The following SH2D3C variants were observed in gnomAD, a reference collection of about 807,000 sequenced individuals.
SH2D3C encodes the protein SH2 domain containing 3C.
SH2D3C carries 25 observed loss-of-function variants against 75.2 expected under a neutral mutation model. The ratio of observed to expected loss-of-function variants is 0.33; its 90% CI spans 0.24 to 0.46. The LOEUF is 0.46. SH2D3C is among the 20% of genes least tolerant of loss of function. The pLI, the probability that SH2D3C is intolerant of heterozygous loss-of-function variation, is 1.00. For missense variants in SH2D3C, 933 were observed against 1,165.3 expected, an observed-to-expected ratio of 0.80 and a Z score of 2.90; for synonymous variants, 450 against 473.7, an observed-to-expected ratio of 0.95 and a Z score of 0.65.
intron 7 of SH2D3C, among the ~76,000 whole-genome samples, chr9:127,744,072 C>CTTTTTTT (rs34636940): frequency 8.7e-6 from 1 of 114,570 alleles, no homozygotes; most frequent in African/African-American, 3.4e-5. Flanking sequence ...ATCTTATGTG[C>CTTTTTTT]TTTTTTTTTT....
intron 1 of SH2D3C, among the ~76,000 whole-genome samples, chr9:127,776,683 T>G (rs1564427625): frequency 6.6e-6 from 1 of 152,208 alleles, no homozygotes; most frequent in Non-Finnish European, 1.5e-5. Context: ...GCAGGTAGGA[T>G]GCCCCCAGTT....
Position 127,744,646 on chromosome 9 carries a change from C to G in SH2D3C, c.1718G>C (p.Gly573Ala). ...IPRDNRPLEVGLLRKVKELLA... is the reference protein window; with the variant it reads ...IPRDNRPLEVALLRKVKELLA... ...CAGCTCCTTGACCTTGCGCAGAAGG[C>G]CCACCTCCAGTGGCCGGTTATCCCT... The change falls in exon 7 of 12, where the codon GGC becomes GCC. Residue 573 changes from glycine (G) to alanine (A), a missense_variant. Gly to Ala is a moderately conservative substitution (Grantham distance 60). Transcript: ENST00000314830. The G allele has an allele frequency of 1.3e-5, 21 of 1,614,204 alleles. No individual in the cohort carries two copies. The highest frequency in any genetic ancestry group is 1.6e-5 in the Non-Finnish European group (19 of 1,180,028).
chr9:127,770,933 C>T (rs892584258), intron 2 of SH2D3C, among the ~76,000 whole-genome samples: 1 of 152,218 alleles, frequency 6.6e-6, no homozygotes, highest in African/African-American at 2.4e-5. Flanking sequence ...TCAAACTCGG[C>T]AGGCAAATCT....
At position 127,754,728 on chromosome 9, in the gene SH2D3C, C is replaced by A; in HGVS notation, c.556-3428G>T. 1 of 431,220 alleles carries A rather than the reference C, an allele frequency of 2.3e-6. No homozygotes were observed. Among genetic ancestry groups the A allele is most frequent in the Non-Finnish European group, 4.9e-6 (1 of 203,252 alleles). 26.7% of individuals were successfully genotyped at this position (431,220 alleles called of 1,614,324 possible). ...GGGGAGCCAGGGTGCCCAGGTCAGC[C>A]GCAAGGGCCAGCGTACCAGGCGGAG... On this transcript the variant is annotated intron_variant, in intron 3 of 11. Transcript: ENST00000314830. The surrounding 1 kb of genome is among the most constrained non-coding windows in gnomAD (Gnocchi z 4.4).
chr9:127,741,953 G>T lies in SH2D3C; in HGVS notation c.1923C>A (p.His641Gln). Residue 641 changes from histidine (H) to glutamine (Q), a missense_variant, in exon 9 of 12, where the codon CAC (histidine) becomes CAA (glutamine). Transcript: ENST00000314830. The stretch of plus-strand genomic sequence containing the variant: ...CCACGGCCAGCATGATGGACATGGT[G>T]TGGAACCTGTCAGAGCGGCGGGGTC... ...QLRLDLLERF[H>Q]TMSIMLAVDI... The T allele has an allele frequency of 6.2e-7, 1 of 1,611,168 alleles. No homozygotes were observed. Among genetic ancestry groups the T allele is most frequent in the Non-Finnish European group, 8.5e-7 (1 of 1,179,070 alleles).
Position 127,745,891 on chromosome 9 carries a change from A to T in SH2D3C, c.1265-792T>A, listed in dbSNP as rs558519188. On this transcript the variant is annotated intron_variant, in intron 6 of 11. Coordinates refer to ENST00000314830, the MANE Select transcript of SH2D3C (RefSeq NM_170600.3). ...CAGTAAAACCATCATCAAACCTCAA[A>T]GGCGATATTTACTAAGCTCTTAGTG... 1.1e-4 allele frequency among the ~76,000 whole-genome samples: 16 copies of T among 152,302 alleles called. No individual in the cohort carries two copies. The East Asian group carries it at 3.1e-3, about 29-fold the overall frequency.
chr9:127,747,025 C>A lies in SH2D3C; in HGVS notation c.1264+122G>T, dbSNP rs936043390. 26 of 932,452 alleles carry A rather than the reference C, an allele frequency of 2.8e-5. No individual in the cohort carries two copies. In the African/African-American group the frequency reaches 3.5e-4, roughly 12 times the overall value. The allele number at this position is 932,452 out of a possible 1,614,324, so 57.8% of individuals were successfully genotyped here. On this transcript the variant is annotated intron_variant, in intron 6 of 11. Transcript: ENST00000314830. Reference sequence around the variant, plus strand: ...TGTTAGCAGGATTCCAGTGTCAGTTCTTTCTCTTGGTAAAGGTCGCGCCTC... The same window carrying A: ...TGTTAGCAGGATTCCAGTGTCAGTTATTTCTCTTGGTAAAGGTCGCGCCTC...
At chr9:127,762,226 G>A (rs763142308) in intron 2 of SH2D3C, 294 of 1,201,928 alleles carry the variant, frequency 2.4e-4, no homozygotes, top group Non-Finnish European at 3.0e-4. Flanking sequence ...TCTGCCCCCA[G>A]GGTGGAGAGC....
At chr9:127,756,637 G>A (rs1380012608) in intron 3 of SH2D3C, among the ~76,000 whole-genome samples, 1 of 146,850 alleles carries the variant, frequency 6.8e-6, no homozygotes, top group Non-Finnish European at 1.5e-5. Context: ...AGGTAGGAGG[G>A]GGCTTTTTTT....
chr9:127,762,341 T>G, intron 2 of SH2D3C: 1 of 1,300,092 alleles, frequency 7.7e-7, no homozygotes, highest in East Asian at 5.6e-5. Flanking sequence ...ACCCCTACCC[T>G]CAGGCAGCCT....
chr9:127,762,815 T>A (rs1845560932), intron 2 of SH2D3C, among the ~76,000 whole-genome samples: 1 of 152,240 alleles, frequency 6.6e-6, no homozygotes, highest in Non-Finnish European at 1.5e-5. Flanking sequence ...CTCCCATCTC[T>A]AGAAGAACAA....
Position 127,742,964 on chromosome 9 carries a change from C to T in SH2D3C, c.1801G>A (p.Val601Ile). Residue 601 changes from valine to isoleucine, a missense_variant and splice_region_variant, in exon 8 of 12, where the codon GTT becomes ATT. Physicochemically the swap from Val to Ile is conservative, Grantham distance 29. Transcript: ENST00000314830. Reference protein sequence around the residue: ...ARHVTKVDCLVARILGVTKEM... With the variant: ...ARHVTKVDCLIARILGVTKEM... ...TTGGTAACGCCCAGTATCCTAGCAA[C>T]CTGCAAAGACGCCCAGAGGGCTGAT... 6.2e-7 allele frequency: 1 copy of T among 1,610,228 alleles called. No homozygotes were observed. Among genetic ancestry groups the T allele is most frequent in the Non-Finnish European group, 8.5e-7 (1 of 1,176,818 alleles).
At chr9:127,771,728 C>A (rs536149255) in intron 2 of SH2D3C, among the ~76,000 whole-genome samples, 91 of 152,250 alleles carry the variant, frequency 6.0e-4, no homozygotes, top group Non-Finnish European at 1.2e-3. Context: ...TAGAACGCCC[C>A]AGGACCCATC....
At chr9:127,740,972 C>T (rs991905845) in intron 9 of SH2D3C, among the ~76,000 whole-genome samples, 2 of 152,202 alleles carry the variant, frequency 1.3e-5, no homozygotes, top group Admixed American at 6.5e-5. Context: ...TGAGCTACCG[C>T]GCCTGGCTGT....
intron 2 of SH2D3C, among the ~76,000 whole-genome samples, chr9:127,763,195 G>A (rs535905132): frequency 3.2e-4 from 49 of 152,210 alleles, no homozygotes; most frequent in African/African-American, 1.1e-3. Context: ...TCACCTCTTC[G>A]GAGAAGCCTT....
intron 2 of SH2D3C, chr9:127,771,456 T>TCGAACACG: frequency 8.9e-7 from 1 of 1,119,000 alleles, no homozygotes; most frequent in Non-Finnish European, 1.2e-6. Context: ...GCCCTCCGCC[T>TCGAACACG]GCGGTCTCGC....
chr9:127,753,685 C>A (rs759294985), intron 3 of SH2D3C, among the ~76,000 whole-genome samples: 1 of 152,206 alleles, frequency 6.6e-6, no homozygotes, highest in South Asian at 2.1e-4. Flanking sequence ...TCACACCAGG[C>A]TAGTCCTCTT....
chr9:127,769,995 C>A (rs371932394), intron 2 of SH2D3C, among the ~76,000 whole-genome samples: 31 of 152,194 alleles, frequency 2.0e-4, no homozygotes, highest in African/African-American at 7.5e-4. Flanking sequence ...TGTGGGTAGG[C>A]GTGGGGTAGG....
chr9:127,746,867 G>A lies in SH2D3C; in HGVS notation c.1264+280C>T, dbSNP rs558652622. ...GCAAGAGAATCGCTTGAACCCAGGA[G>A]GCGGAGGTTGCAGTGAGCCAAGATC... On this transcript the variant is annotated intron_variant, in intron 6 of 11. Coordinates refer to ENST00000314830, the MANE Select transcript of SH2D3C (RefSeq NM_170600.3). Among the ~76,000 whole-genome samples, 19 of 152,356 alleles carry A rather than the reference G, an allele frequency of 1.2e-4. No homozygotes were observed. In the South Asian group the frequency reaches 1.4e-3, roughly 12 times the overall value.
Sources: allele counts gnomAD v4.1 joint callset (sites outside exome capture counted in the v4.1 genomes callset), GRCh38; gene constraint gnomAD v4.1.1; non-coding constraint Gnocchi (gnomAD v3.1); transcripts MANE v1.5; gene names NCBI Gene and HGNC (gene_info 2026-07-23, HGNC 2026-07-21).